The following CYB5R2 variants were observed in gnomAD, a reference collection of about 807,000 sequenced individuals.
The protein encoded by CYB5R2 is NADH-cytochrome b5 reductase 2.
CYB5R2 carries 35 observed loss-of-function variants against 29.8 expected under a neutral mutation model. The observed-to-expected ratio is 1.17, with a 90% CI of 0.90 to 1.56. The LOEUF is 1.56. Ranked by LOEUF, CYB5R2 falls within the 40% of genes most tolerant of loss-of-function variation. The pLI, the probability that CYB5R2 is intolerant of heterozygous loss-of-function variation, is 0.00. For synonymous variants in CYB5R2, 169 were observed against 130.6 expected, an observed-to-expected ratio of 1.29 and a Z score of -2.01; for missense variants, 419 against 346.7, an observed-to-expected ratio of 1.21 and a Z score of -1.66.
At chr11:7,665,597 C>A (rs776985736) in intron 8 of CYB5R2, 51 bp from the exon 9 acceptor site, 7 of 1,541,344 alleles carry the variant, frequency 4.5e-6, no homozygotes, top group South Asian at 1.3e-5. Flanking sequence ...GGTGGAGTTC[C>A]TGATCCCAGG....
chr11:7,667,931 C>T lies in CYB5R2; in HGVS notation c.473-118G>A, dbSNP rs117101197. 1,446 of 822,400 alleles carry T rather than the reference C, an allele frequency of 1.8e-3. 26 individuals are homozygous for T. In the East Asian group the frequency reaches 0.033, roughly 19 times the overall value. The allele number at this position is 822,400 out of a possible 1,614,324, so 50.9% of individuals were successfully genotyped here. Reference sequence around the variant, plus strand: ...AAGTTATCCTTTTCTCACTTCTGTCCCCAAAACTCAAAGCAGGAAACAGCC... The same window carrying T: ...AAGTTATCCTTTTCTCACTTCTGTCTCCAAAACTCAAAGCAGGAAACAGCC... On this transcript the variant is annotated intron_variant, in intron 6 of 8. Transcript: ENST00000299498.
Position 7,665,543 on chromosome 11 carries a change from C to T in CYB5R2, c.662G>A (p.Trp221Ter), listed in dbSNP as rs1250572631. ...WYTLDRPPIGWKYSSGFVTAD... is the reference protein window; with the variant it reads ...WYTLDRPPIG ...AGTAACGAAGCCTGAGCTGTACTTCCAGCCTGAAATGAAGGAGATGCAGGA... is the reference window on the plus strand; with the variant it reads ...AGTAACGAAGCCTGAGCTGTACTTCTAGCCTGAAATGAAGGAGATGCAGGA... Residue 221 changes from tryptophan to a stop codon, truncating the protein, a stop_gained, in exon 9 of 9, where the codon TGG becomes TAG. Transcript: ENST00000299498. LOFTEE classifies it high-confidence loss of function. 6.2e-7 allele frequency: 1 copy of T among 1,600,890 alleles called. No homozygotes were observed. The highest frequency in any genetic ancestry group is 8.5e-7 in the Non-Finnish European group (1 of 1,174,970).
chr11:7,667,991 A>G (rs1376616947), intron 6 of CYB5R2, among the ~76,000 whole-genome samples, 178 bp from the exon 7 acceptor site: 1 of 152,240 alleles, frequency 6.6e-6, no homozygotes. Flanking sequence ...TGCAACAGTA[A>G]GTCAGGTAGT....
In CYB5R2 at chr11:7,665,473, CG is replaced by C; in HGVS notation, c.731del (p.Thr244SerfsTer11). On this transcript the variant is annotated frameshift_variant, in exon 9 of 9. Coordinates refer to ENST00000299498, the MANE Select transcript of CYB5R2 (RefSeq NM_016229.5). LOFTEE classifies it high-confidence loss of function. ...GTGGCGGGCCACACACCAGGATGAG[CG>C]TGGACTTCGCTGGAGGAGGAAGGTG... ...KEHLPPPAKS[T>X]LILVCGPPPL... The C allele has an allele frequency of 6.2e-7, 1 of 1,613,908 alleles. No homozygotes were observed. Among genetic ancestry groups the C allele is most frequent in the South Asian group, 1.1e-5 (1 of 91,002 alleles).
intron 2 of CYB5R2, 106 bp from the exon 3 acceptor site, chr11:7,672,629 C>CACACACACAG: frequency 2.0e-6 from 3 of 1,476,156 alleles, no homozygotes; most frequent in Non-Finnish European, 2.8e-6. Flanking sequence ...CCAGCACACA[C>CACACACACAG]ACACACACAC....
chr11:7,672,846 G>A lies in CYB5R2; in HGVS notation c.-21C>T, dbSNP rs371895643. 6.2e-7 allele frequency: 1 copy of A among 1,614,054 alleles called. No individual in the cohort carries two copies. The highest frequency in any genetic ancestry group is 8.5e-7 in the Non-Finnish European group (1 of 1,179,940). ...TTCATGCTCTTCAGGACCAACACGAGCACAGTGACCCCAGTGACGGTGATG... is the reference window on the plus strand; with the variant it reads ...TTCATGCTCTTCAGGACCAACACGAACACAGTGACCCCAGTGACGGTGATG... On this transcript the variant is annotated 5_prime_UTR_variant, in exon 2 of 9. Transcript: ENST00000299498.
At chr11:7,667,498 A>G in intron 7 of CYB5R2, 1 of 428,330 alleles carries the variant, frequency 2.3e-6, no homozygotes, top group Non-Finnish European at 4.1e-6. Flanking sequence ...GAAAAAAGGA[A>G]TGCTTAGTGC....
intron 7 of CYB5R2, 58 bp downstream of exon 7, chr11:7,667,670 C>T (rs1419688665): frequency 6.8e-7 from 1 of 1,479,240 alleles, no homozygotes; most frequent in African/African-American, 1.4e-5. Flanking sequence ...GAAATGAAAA[C>T]AAGAGCCCAG....
At position 7,672,768 on chromosome 11, in the gene CYB5R2, G is replaced by A; in HGVS notation, c.58C>T (p.Leu20=). 1.2e-6 allele frequency: 2 copies of A among 1,614,216 alleles called. No individual in the cohort carries two copies. Among genetic ancestry groups the A allele is most frequent in the Admixed American group, 1.7e-5 (1 of 60,020 alleles). ...ATTACCTCTTTCTCAATCAAGGGCAGCGGGTACTTGGCTTCAGGGTCCTGT... is the reference window on the plus strand; with the variant it reads ...ATTACCTCTTTCTCAATCAAGGGCAACGGGTACTTGGCTTCAGGGTCCTGT... ...TLQDPEAKYP[L]PLIEKEKISH... The change falls in exon 2 of 9, where the codon CTG becomes TTG. Residue 20 remains leucine, a synonymous_variant. Coordinates refer to ENST00000299498, the MANE Select transcript of CYB5R2 (RefSeq NM_016229.5).
chr11:7,673,980 C>G, upstream of CYB5R2: 1 of 1,126,548 alleles, frequency 8.9e-7, no homozygotes, highest in South Asian at 1.9e-5. Context: ...CAGCCCTGCC[C>G]CCAGGGCAGC....
intron 3 of CYB5R2, chr11:7,672,233 G>A (rs758767602): frequency 7.3e-6 from 4 of 546,450 alleles, no homozygotes; most frequent in African/African-American, 1.9e-5. Context: ...AATGCTCACT[G>A]AGGTACCACT....
At chr11:7,672,929 G>C in intron 1 of CYB5R2, 38 bp from the exon 2 acceptor site, 1 of 1,580,578 alleles carries the variant, frequency 6.3e-7, no homozygotes, top group East Asian at 2.3e-5. Flanking sequence ...CTCAGGTCTT[G>C]CCCGCCCTGG....
chr11:7,665,272 G>T lies in CYB5R2; in HGVS notation c.*102C>A. ...AACCAGTGTGTGCGCGAAGGTACAT[G>T]GCAAGGCACTTTTGAAAACATCCCA... On this transcript the variant is annotated 3_prime_UTR_variant, in exon 9 of 9. Coordinates refer to ENST00000299498, the MANE Select transcript of CYB5R2 (RefSeq NM_016229.5). The T allele has an allele frequency of 9.4e-7, 1 of 1,061,454 alleles. No homozygotes were observed. Among genetic ancestry groups the T allele is most frequent in the Non-Finnish European group, 1.3e-6 (1 of 745,448 alleles). 65.8% of individuals were successfully genotyped at this position (1,061,454 alleles called of 1,614,324 possible). A position where few individuals can be genotyped will look rare whatever the true frequency, so the allele number is the denominator to read the frequency against.
chr11:7,673,631 T>C (rs927637833), upstream of CYB5R2: 613 of 984,992 alleles, frequency 6.2e-4, no homozygotes, highest in Non-Finnish European at 7.1e-4. Context: ...CTAGCCGGCC[T>C]CCGCGCCTCT....
In CYB5R2 at chr11:7,667,771, T is replaced by C. The variant is rs752935765; in HGVS notation, c.515A>G (p.Asp172Gly). The change falls in exon 7 of 9, where the codon GAC becomes GGC. Residue 172 changes from aspartate to glycine, a missense_variant. Asp to Gly is a moderately conservative substitution (Grantham distance 94). Coordinates refer to ENST00000299498, the MANE Select transcript of CYB5R2 (RefSeq NM_016229.5). ...GGACATCCTGGTCCTGTCACTGGGG[T>C]CCTTGGTGATGTGGCGAATGAGCTG... ...MLQLIRHITKDPSDRTRMSLI... is the reference protein window; with the variant it reads ...MLQLIRHITKGPSDRTRMSLI... 10 of 1,613,984 alleles carry C rather than the reference T, an allele frequency of 6.2e-6. No individual in the cohort carries two copies. In the East Asian group the frequency reaches 1.6e-4, roughly 25 times the overall value.
intron 8 of CYB5R2, chr11:7,665,887 G>A: frequency 6.5e-7 from 1 of 1,536,196 alleles, no homozygotes; most frequent in Non-Finnish European, 8.7e-7. Flanking sequence ...CCTGGTGTTA[G>A]TGGAACTGCG....
intron 3 of CYB5R2, chr11:7,670,090 G>A: frequency 4.2e-6 from 1 of 237,050 alleles, no homozygotes; most frequent in Non-Finnish European, 8.3e-6. Flanking sequence ...GTCAGACATG[G>A]TAGCTCACGC....
intron 5 of CYB5R2, chr11:7,668,824 C>T: frequency 1.7e-6 from 1 of 586,884 alleles, no homozygotes. Flanking sequence ...CTGAAGTTAA[C>T]ACAGAGACTC....
rs779026569 is a variant in CYB5R2, at chr11:7,672,829, C to T, written c.-4G>A. 1.9e-6 allele frequency: 3 copies of T among 1,614,130 alleles called. No individual in the cohort carries two copies. The South Asian group carries it at 3.3e-5, about 18-fold the overall frequency. On this transcript the variant is annotated 5_prime_UTR_variant, in exon 2 of 9. Transcript: ENST00000299498. ...GCTCTCTCCTCCTGGAGTTCATGCT[C>T]TTCAGGACCAACACGAGCACAGTGA...
Sources: allele counts gnomAD v4.1 joint callset (sites outside exome capture counted in the v4.1 genomes callset), GRCh38; gene constraint gnomAD v4.1.1; transcripts MANE v1.5; gene names NCBI Gene and HGNC (gene_info 2026-07-23, HGNC 2026-07-21).